SLC4A10: variants seen among roughly 807,000 people sequenced by gnomAD.
The protein encoded by SLC4A10 is sodium-driven chloride bicarbonate exchanger.
SLC4A10 carries 42 observed loss-of-function variants against 137.7 expected under a neutral mutation model. That is an observed-to-expected ratio of 0.30 (90% CI 0.24 to 0.39). SLC4A10 has a LOEUF of 0.39. SLC4A10 is among the 10% of genes least tolerant of loss of function. The pLI is 1.00. For missense variants in SLC4A10, 925 were observed against 1,355.0 expected, an observed-to-expected ratio of 0.68 and a Z score of 4.98; for synonymous variants, 474 against 464.1, an observed-to-expected ratio of 1.02 and a Z score of -0.27.
chr2:161,862,151 G>C (rs2060469284), intron 5 of SLC4A10, among the ~76,000 whole-genome samples: 1 of 152,110 alleles, frequency 6.6e-6, no homozygotes, highest in South Asian at 2.1e-4. Context: ...TAAATAATCT[G>C]CTTAATTATA....
At position 161,671,848 on chromosome 2, in the gene SLC4A10, C is replaced by G. The variant is rs73020061; in HGVS notation, c.48+47282C>G. 6.6e-3 allele frequency among the ~76,000 whole-genome samples: 1,007 copies of G among 152,226 alleles called. 11 individuals are homozygous for G. The highest frequency in any genetic ancestry group is 0.023 in the African/African-American group (959 of 41,532). On this transcript the variant is annotated intron_variant, in intron 1 of 26. Transcript: ENST00000446997. ...GAAAATTATCTCTGATATCAAGGTA[C>G]TTGCATTTGAGAATGATCAAAAAAC... is the stretch of plus-strand genomic sequence containing the variant.
chr2:161,774,828 C>A (rs1210950920), intron 2 of SLC4A10, among the ~76,000 whole-genome samples: 3 of 151,882 alleles, frequency 2.0e-5, no homozygotes, highest in African/African-American at 7.2e-5. Flanking sequence ...TTATTGCTGA[C>A]AGTTATCTTC....
intron 2 of SLC4A10, among the ~76,000 whole-genome samples, chr2:161,794,687 G>T (rs1170190021): frequency 1.3e-5 from 2 of 152,144 alleles, no homozygotes; most frequent in African/African-American, 4.8e-5. Context: ...TTCACACGAG[G>T]CATGAGGCAG....
chr2:161,813,984 C>A (rs2056815746), intron 3 of SLC4A10, among the ~76,000 whole-genome samples: 1 of 152,046 alleles, frequency 6.6e-6, no homozygotes, highest in Non-Finnish European at 1.5e-5. Flanking sequence ...GATAGCTCCA[C>A]AGAAGGTTGA....
intron 1 of SLC4A10, among the ~76,000 whole-genome samples, chr2:161,664,352 C>T (rs966537627): frequency 6.6e-6 from 1 of 151,758 alleles, no homozygotes; most frequent in African/African-American, 2.4e-5. Flanking sequence ...GTGTTTAAAC[C>T]TTGGTGAATT....
chr2:161,766,248 A>G (rs1196612476), intron 1 of SLC4A10, among the ~76,000 whole-genome samples: 3 of 152,110 alleles, frequency 2.0e-5, no homozygotes, highest in Non-Finnish European at 2.9e-5. Flanking sequence ...ACTATTTCTT[A>G]TTTAGATTCT....
At chr2:161,956,730 C>A (rs1320886222) in intron 19 of SLC4A10, among the ~76,000 whole-genome samples, 1 of 152,142 alleles carries the variant, frequency 6.6e-6, no homozygotes, top group East Asian at 1.9e-4. Context: ...CAAATTAGAA[C>A]AAGATAGCAC....
chr2:161,688,310 G>T (rs756727003), intron 1 of SLC4A10, among the ~76,000 whole-genome samples: 2 of 152,086 alleles, frequency 1.3e-5, no homozygotes, highest in Non-Finnish European at 2.9e-5. Context: ...ATAACCTCTT[G>T]CCATCTCTTA....
chr2:161,703,084 A>G (rs181348934), intron 1 of SLC4A10, among the ~76,000 whole-genome samples: 1 of 151,908 alleles, frequency 6.6e-6, no homozygotes, highest in Admixed American at 6.6e-5. Context: ...GACTGTAAAT[A>G]GATATAACCC....
intron 14 of SLC4A10, 127 bp downstream of exon 14, chr2:161,905,036 C>T (rs1371031863): frequency 1.1e-6 from 1 of 919,442 alleles, no homozygotes; most frequent in Non-Finnish European, 1.6e-6. Flanking sequence ...TTCAGTTTAT[C>T]ATTTTTGCTT....
At chr2:161,901,508 CTT>C (rs1683105930) in intron 12 of SLC4A10, among the ~76,000 whole-genome samples, 1 of 152,088 alleles carries the variant, frequency 6.6e-6, no homozygotes, top group Non-Finnish European at 1.5e-5. Context: ...CAATTTATTT[CTT>C]AAAATGGTGC....
chr2:161,877,112 G>A (rs560479804), intron 8 of SLC4A10, among the ~76,000 whole-genome samples: 2 of 151,978 alleles, frequency 1.3e-5, no homozygotes, highest in African/African-American at 4.8e-5. Flanking sequence ...AACATACTAT[G>A]TACTTCTTGA....
intron 1 of SLC4A10, among the ~76,000 whole-genome samples, chr2:161,686,339 T>G (rs2041403121): frequency 6.6e-6 from 1 of 152,116 alleles, no homozygotes; most frequent in African/African-American, 2.4e-5. Flanking sequence ...GTAATAAAAA[T>G]TATAAATTTC....
chr2:161,817,153 C>G (rs2057157039), intron 3 of SLC4A10, among the ~76,000 whole-genome samples: 2 of 152,146 alleles, frequency 1.3e-5, no homozygotes, highest in Non-Finnish European at 2.9e-5. Context: ...TGTTTCCTGA[C>G]TTTTTAATGA....
At chr2:161,821,461 T>C (rs921478424) in intron 3 of SLC4A10, among the ~76,000 whole-genome samples, 3 of 152,144 alleles carry the variant, frequency 2.0e-5, no homozygotes, top group Non-Finnish European at 4.4e-5. Context: ...AGGAGAAATA[T>C]TCTATTAACT....
chr2:161,907,649 TG>T (rs1410092858), intron 15 of SLC4A10, among the ~76,000 whole-genome samples: 1 of 152,158 alleles, frequency 6.6e-6, no homozygotes, highest in Non-Finnish European at 1.5e-5. Context: ...GAAGGCTTCC[TG>T]GAGGAAATAA....
intron 9 of SLC4A10, 131 bp downstream of exon 9, chr2:161,879,419 A>G (rs1199621127): frequency 2.1e-6 from 2 of 967,982 alleles, no homozygotes; most frequent in Admixed American, 3.0e-5. Context: ...AACTACTATT[A>G]ATTTTTGTTT....
intron 2 of SLC4A10, among the ~76,000 whole-genome samples, chr2:161,791,953 A>G (rs1219343752): frequency 6.6e-6 from 1 of 152,172 alleles, no homozygotes; most frequent in Admixed American, 6.6e-5. Flanking sequence ...CAAATAACTA[A>G]GAAATCTTAC....
At chr2:161,939,155 C>A (rs1380284964) in intron 15 of SLC4A10, among the ~76,000 whole-genome samples, 1 of 152,136 alleles carries the variant, frequency 6.6e-6, no homozygotes, top group African/African-American at 2.4e-5. Context: ...CTGCTCACTG[C>A]AACCTCTGTC....
Sources: allele counts gnomAD v4.1 joint callset (sites outside exome capture counted in the v4.1 genomes callset), GRCh38; gene constraint gnomAD v4.1.1; transcripts MANE v1.5; gene names NCBI Gene and HGNC (gene_info 2026-07-23, HGNC 2026-07-21).